Variants in ZZEF1 observed in about 807,000 individuals in gnomAD.
ZZEF1 encodes zinc finger ZZ-type and EF-hand domain-containing protein 1.
Under a neutral mutation model 342.8 loss-of-function variants are expected in ZZEF1, and 157 were observed. The ratio of observed to expected loss-of-function variants is 0.46; its 90% CI spans 0.40 to 0.52. The LOEUF is 0.52. Ranked by LOEUF, ZZEF1 falls within the 20% of genes least tolerant of loss-of-function variation. ZZEF1 has a pLI of 0.00. For missense variants in ZZEF1, 3,480 were observed against 3,725.6 expected (o/e 0.93, Z 1.72); for synonymous variants, 1,505 against 1,429.1 (o/e 1.05, Z -1.20).
At chr17:4,091,451 C>G (rs1353084302) in intron 11 of ZZEF1, among the ~76,000 whole-genome samples, 1 of 152,198 alleles carries the variant, frequency 6.6e-6, no homozygotes, top group East Asian at 1.9e-4. Flanking sequence ...TTTTTAAAAG[C>G]TGAACACTTA....
chr17:4,096,569 A>T, intron 10 of ZZEF1, 40 bp downstream of exon 10: 1 of 1,575,306 alleles, frequency 6.3e-7, no homozygotes, highest in Non-Finnish European at 8.7e-7. Context: ...TTGAAAACAA[A>T]AGTAGTAACA....
chr17:4,069,530 T>C (rs919129238), intron 26 of ZZEF1, among the ~76,000 whole-genome samples: 1 of 152,114 alleles, frequency 6.6e-6, no homozygotes, highest in Non-Finnish European at 1.5e-5. Context: ...GGAATAAAAA[T>C]ATCAATAATA....
rs566533640 is a variant in ZZEF1 at position 4,049,557 on chromosome 17, A to C, written c.6015+151T>G. On this transcript the variant is annotated intron_variant, in intron 37 of 54. Coordinates refer to ENST00000381638, the MANE Select transcript of ZZEF1 (RefSeq NM_015113.4). ...AAACAAACACTGAAGAGATGATAAC[A>C]ACATGCCCAAGGTTTGATGGAGCAG... 2.2e-5 allele frequency: 19 copies of C among 856,588 alleles called. No individual in the cohort carries two copies. In the East Asian group the frequency reaches 3.8e-4, roughly 17 times the overall value. The allele number at this position is 856,588 out of a possible 1,614,324, so 53.1% of individuals were successfully genotyped here.
chr17:4,026,573 G>A (rs934046988), intron 42 of ZZEF1, among the ~76,000 whole-genome samples: 1 of 149,722 alleles, frequency 6.7e-6, no homozygotes, highest in African/African-American at 2.5e-5. Flanking sequence ...CCAGGCTGGA[G>A]TACAATGACG....
In ZZEF1 at chr17:4,016,083, C is replaced by T. The variant is rs1196213009; in HGVS notation, c.8145+240G>A. On this transcript the variant is annotated intron_variant, in intron 49 of 54. Transcript: ENST00000381638. This position sits in a 1 kb window ranked among gnomAD's most constrained non-coding sequence, Gnocchi z 4.4. ...AAAGCTCTCCTCCAGGGCTAGGTGG[C>T]CCATTTTCTTCTATTAAAACAAGAA... Among the ~76,000 whole-genome samples, 1 of 152,158 alleles carries T rather than the reference C, an allele frequency of 6.6e-6. No homozygotes were observed. Among genetic ancestry groups the T allele is most frequent in the Non-Finnish European group, 1.5e-5 (1 of 68,016 alleles).
Position 4,082,446 on chromosome 17 carries a change from G to A in ZZEF1, c.2705C>T (p.Thr902Met), listed in dbSNP as rs185558294. Residue 902 changes from threonine to methionine, a missense_variant, in exon 17 of 55, where the codon ACG becomes ATG. Physicochemically the swap from Thr to Met is moderately conservative, Grantham distance 81. This residue lies in a region of ZZEF1 where 1,528 missense variants were observed against 1,624.1 expected (regional missense o/e 0.94). Coordinates refer to ENST00000381638, the MANE Select transcript of ZZEF1 (RefSeq NM_015113.4). ...SLQLTFRSLC[T>M]YFSDKDPGGL... is the part of the protein sequence containing the mutation. ...AGAACGATCAGCTTACCTAAAATAC[G>A]TGCACAGTGAACGGAAAGTGAGCTG... The A allele has an allele frequency of 3.5e-5, 56 of 1,614,004 alleles. No individual in the cohort carries two copies. Among genetic ancestry groups the A allele is most frequent in the South Asian group, 8.8e-5 (8 of 91,074 alleles).
rs563397838 is a variant in ZZEF1, at chr17:4,017,692, C to G, written c.7680G>C (p.Ser2560=). The part of the protein sequence containing the change: ...PARCDQATAE[S]NPVTQKLISS... ...AGATCAGCTTCTGGGTCACAGGGTT[C>G]GATTCAGCAGTGGCTTGGTCACAGC... Residue 2560 remains serine (S), a synonymous_variant, in exon 48 of 55, where the codon TCG becomes TCC. Transcript: ENST00000381638. This position sits in a 1 kb window ranked among gnomAD's most constrained non-coding sequence, Gnocchi z 5.1. 1.2e-6 allele frequency: 2 copies of G among 1,613,540 alleles called. No homozygotes were observed. Among genetic ancestry groups the G allele is most frequent in the South Asian group, 2.2e-5 (2 of 91,066 alleles).
chr17:4,038,034 T>A lies in ZZEF1; in HGVS notation c.6307-3742A>T, dbSNP rs746637830. On this transcript the variant is annotated intron_variant, in intron 39 of 54. Transcript: ENST00000381638. ...TGTCTGGTTACACAGGAGAATCTCC[T>A]TGTTTGTAGAAAACACACACTAACA... Among the ~76,000 whole-genome samples the A allele has an allele frequency of 3.5e-4, 54 of 152,248 alleles. 1 individual carries two copies. Among genetic ancestry groups the A allele is most frequent in the Non-Finnish European group, 1.5e-5 (1 of 68,044 alleles).
intron 37 of ZZEF1, among the ~76,000 whole-genome samples, chr17:4,048,817 G>C (rs746182141): frequency 6.6e-6 from 1 of 151,432 alleles, no homozygotes; most frequent in Non-Finnish European, 1.5e-5. Flanking sequence ...GGGTTCAAGC[G>C]ATTCCCCTGC....
intron 39 of ZZEF1, among the ~76,000 whole-genome samples, chr17:4,035,082 A>T (rs2056631968): frequency 6.6e-6 from 1 of 152,232 alleles, no homozygotes; most frequent in African/African-American, 2.4e-5. Flanking sequence ...AATTTTAAAT[A>T]GTTGTTTTTC....
chr17:4,105,956 TTCTTTTTTTTTGAGACG>T, intron 6 of ZZEF1, 147 bp from the exon 7 acceptor site: 1 of 614,800 alleles, frequency 1.6e-6, no homozygotes. Flanking sequence ...AAACTGGCCC[TTCTTTTTTTTTGAGACG>T]GAGTCTCGCT....
In ZZEF1 at chr17:4,125,849, G is replaced by A. The variant is rs2058564439; in HGVS notation, c.355-1798C>T. On this transcript the variant is annotated intron_variant, in intron 1 of 54. Transcript: ENST00000381638. ...AGCTATAATGGGAAGGAGGGAAGCAGCAGTTAAAATTAATGTCATTGGATA... is the reference window on the plus strand; with the variant it reads ...AGCTATAATGGGAAGGAGGGAAGCAACAGTTAAAATTAATGTCATTGGATA... 2.0e-5 allele frequency among the ~76,000 whole-genome samples: 3 copies of A among 152,166 alleles called. No homozygotes were observed. In the South Asian group the frequency reaches 6.2e-4, roughly 32 times the overall value.
chr17:4,071,578 A>G (rs562034318), intron 25 of ZZEF1: 2 of 152,786 alleles, frequency 1.3e-5, no homozygotes, highest in African/African-American at 4.8e-5. Context: ...AAAGATGCAG[A>G]CAGAGGAAAG....
intron 17 of ZZEF1, among the ~76,000 whole-genome samples, chr17:4,082,203 A>T (rs917774910): frequency 6.6e-6 from 1 of 152,216 alleles, no homozygotes; most frequent in Non-Finnish European, 1.5e-5. Context: ...TGAAGTGTTC[A>T]AAAAGACCCT....
rs1161115544 is a variant in ZZEF1 at position 4,094,817 on chromosome 17, GC to G, written c.1913+1013del. Among the ~76,000 whole-genome samples, 5 of 152,084 alleles carry G rather than the reference GC, an allele frequency of 3.3e-5. No individual in the cohort carries two copies. In the East Asian group the frequency reaches 9.6e-4, roughly 29 times the overall value. On this transcript the variant is annotated intron_variant, in intron 11 of 54. Coordinates refer to ENST00000381638, the MANE Select transcript of ZZEF1 (RefSeq NM_015113.4). ...TGGTCCACATCTCTGCACTGCTGCT[GC>G]TGCTCTAGTAGGAGTCACCCACTGG...
chr17:4,052,107 C>A lies in ZZEF1; in HGVS notation c.5464G>T (p.Asp1822Tyr). 1.9e-6 allele frequency: 3 copies of A among 1,613,844 alleles called. No homozygotes were observed. Among genetic ancestry groups the A allele is most frequent in the African/African-American group, 1.3e-5 (1 of 75,036 alleles). Reference protein sequence around the residue: ...GGVKPEGHGDDHEMVNMEFTC... With the variant: ...GGVKPEGHGDYHEMVNMEFTC... ...AACTCCATGTTGACCATTTCATGGTCGTCTCCGTGGCCCTCAGGCTTCACC... is the reference window on the plus strand; with the variant it reads ...AACTCCATGTTGACCATTTCATGGTAGTCTCCGTGGCCCTCAGGCTTCACC... The change falls in exon 35 of 55, where the codon GAC becomes TAC. Residue 1822 changes from aspartate (D) to tyrosine (Y), a missense_variant. Transcript: ENST00000381638.
At position 4,085,692 on chromosome 17, in the gene ZZEF1, C is replaced by T. The variant is rs144216630; in HGVS notation, c.2624G>A (p.Arg875Gln). ...AIFFPNRQTR[R>Q]NHLFTMMNVT... ...TACCATCATGGTGAAGAGATGGTTCCGTCGGGTCTGTCGATTAGGAAAGAA... is the reference window on the plus strand; with the variant it reads ...TACCATCATGGTGAAGAGATGGTTCTGTCGGGTCTGTCGATTAGGAAAGAA... The change falls in exon 16 of 55, where the codon CGG (arginine) becomes CAG (glutamine). Residue 875 changes from arginine (R) to glutamine (Q), a missense_variant. By Grantham distance (43) the Arg-to-Gln change is conservative. Coordinates refer to ENST00000381638, the MANE Select transcript of ZZEF1 (RefSeq NM_015113.4). The T allele has an allele frequency of 1.5e-5, 24 of 1,614,106 alleles. No homozygotes were observed. The highest frequency in any genetic ancestry group is 4.5e-5 in the East Asian group (2 of 44,880).
In ZZEF1 at chr17:4,017,300, C is replaced by G. The variant is rs759714007; in HGVS notation, c.8001+71G>C. On this transcript the variant is annotated intron_variant, in intron 48 of 54. Coordinates refer to ENST00000381638, the MANE Select transcript of ZZEF1 (RefSeq NM_015113.4). This position sits in a 1 kb window ranked among gnomAD's most constrained non-coding sequence, Gnocchi z 5.1. ...ACAGGTAGCCTCGCTCCAGGAAGCA[C>G]TCACTGGAGGAAGCCTGTGGGGCAG... The G allele has an allele frequency of 3.9e-6, 6 of 1,529,190 alleles. No individual in the cohort carries two copies. Among genetic ancestry groups the G allele is most frequent in the Middle Eastern group, 1.9e-4 (1 of 5,386 alleles). 94.7% of individuals were successfully genotyped at this position (1,529,190 alleles called of 1,614,324 possible).
At chr17:4,107,552 A>ATC (rs1487714132) in intron 6 of ZZEF1, among the ~76,000 whole-genome samples, 1 of 152,222 alleles carries the variant, frequency 6.6e-6, no homozygotes, top group Non-Finnish European at 1.5e-5. Context: ...CTCGAGGAAG[A>ATC]TAAGAAGGGC....
Sources: allele counts gnomAD v4.1 joint callset (sites outside exome capture counted in the v4.1 genomes callset), GRCh38; gene constraint gnomAD v4.1.1; regional missense constraint gnomAD v4.1.1; non-coding constraint Gnocchi (gnomAD v3.1); transcripts MANE v1.5; gene names NCBI Gene and HGNC (gene_info 2026-07-23, HGNC 2026-07-21).